Variants in SWT1 observed in about 807,000 individuals in gnomAD.
SWT1 encodes the protein SWT1 RNA endoribonuclease homolog.
SWT1 carries 33 observed loss-of-function variants against 107.3 expected under a neutral mutation model. The ratio of observed to expected loss-of-function variants is 0.31; its 90% CI spans 0.23 to 0.41. The LOEUF (loss-of-function observed/expected upper bound fraction) is 0.41. Ranked by LOEUF, SWT1 falls within the 10% of genes least tolerant of loss-of-function variation. The pLI, the probability that SWT1 is intolerant of heterozygous loss-of-function variation, is 1.00. For missense variants in SWT1, 898 were observed against 1,028.9 expected, an observed-to-expected ratio of 0.87 and a Z score of 1.74; for synonymous variants, 345 against 348.3, an observed-to-expected ratio of 0.99 and a Z score of 0.11.
At position 185,241,656 on chromosome 1, in the gene SWT1, C is replaced by G. The variant is rs562581727; in HGVS notation, c.2441+9948C>G. 6.6e-5 allele frequency among the ~76,000 whole-genome samples: 10 copies of G among 152,108 alleles called. No individual in the cohort carries two copies. In the East Asian group the frequency reaches 9.7e-4, roughly 15 times the overall value. ...CTGTCTTACTTTTCTGTATCTGGAG[C>G]CTTGCACAGGTAATGACACATAGTA... is the stretch of plus-strand genomic sequence containing the variant. On this transcript the variant is annotated intron_variant, in intron 16 of 18. Transcript: ENST00000367500.
intron 2 of SWT1, among the ~76,000 whole-genome samples, chr1:185,164,754 A>G (rs1654436363): frequency 6.6e-6 from 1 of 152,194 alleles, no homozygotes; most frequent in Non-Finnish European, 1.5e-5. Flanking sequence ...GCTAAAGGGA[A>G]TGTTGTGGCT....
chr1:185,250,548 C>T (rs12135172), intron 16 of SWT1, among the ~76,000 whole-genome samples: 60,313 of 152,054 alleles, frequency 0.4, 12,498 homozygotes, highest in African/African-American at 0.51. Context: ...CACTTTCCCT[C>T]TGTGAGCTCA....
chr1:185,272,322 TA>T (rs1282229954), intron 17 of SWT1, among the ~76,000 whole-genome samples: 1 of 152,248 alleles, frequency 6.6e-6, no homozygotes, highest in Admixed American at 6.5e-5. Context: ...GCTCTTTGTT[TA>T]TGTTTCCTGT....
At chr1:185,228,967 T>C (rs1369520040) in intron 15 of SWT1, among the ~76,000 whole-genome samples, 2 of 151,978 alleles carry the variant, frequency 1.3e-5, no homozygotes, top group Admixed American at 6.6e-5. Context: ...TAGGAGGAGA[T>C]GAAGTAGGGA....
At chr1:185,181,845 A>C in intron 6 of SWT1, 101 bp from the exon 7 acceptor site, 3 of 1,321,312 alleles carry the variant, frequency 2.3e-6, no homozygotes, top group Non-Finnish European at 3.1e-6. Flanking sequence ...TTTTCTTTCC[A>C]TAAACCATCT....
chr1:185,233,521 A>G lies in SWT1; in HGVS notation c.2441+1813A>G, dbSNP rs138430715. ...TTGTGTCTTTGTTCTCATTGGTTTC[A>G]AAAAGAATATCTTTATTTCTGCCTT... is the stretch of plus-strand genomic sequence containing the variant. On this transcript the variant is annotated intron_variant, in intron 16 of 18. Transcript: ENST00000367500. 7.9e-5 allele frequency among the ~76,000 whole-genome samples: 12 copies of G among 152,258 alleles called. No homozygotes were observed. In the East Asian group the frequency reaches 2.3e-3, roughly 29 times the overall value.
At chr1:185,176,286 C>CAA (rs71101962) in intron 5 of SWT1, among the ~76,000 whole-genome samples, 28 of 47,294 alleles carry the variant, frequency 5.9e-4, no homozygotes, top group South Asian at 1.3e-3. Context: ...ACCTTGTCTC[C>CAA]AAAAAAAAAA....
intron 16 of SWT1, among the ~76,000 whole-genome samples, chr1:185,234,778 G>T (rs1285349729): frequency 6.6e-6 from 1 of 151,962 alleles, no homozygotes; most frequent in Admixed American, 6.6e-5. Context: ...CATGTTTAGT[G>T]CTTCCTTCAG....
intron 14 of SWT1, among the ~76,000 whole-genome samples, chr1:185,220,877 T>C (rs1659602011): frequency 1.3e-5 from 2 of 152,344 alleles, no homozygotes; most frequent in African/African-American, 4.8e-5. Flanking sequence ...ATCTTTAAAA[T>C]TGCAGTGATT....
intron 4 of SWT1, among the ~76,000 whole-genome samples, chr1:185,169,117 A>G (rs556859317): frequency 2.0e-5 from 3 of 151,846 alleles, no homozygotes; most frequent in Non-Finnish European, 4.4e-5. Flanking sequence ...AAAAAATTCA[A>G]CTCGCCTCTG....
intron 18 of SWT1, among the ~76,000 whole-genome samples, chr1:185,283,008 G>A (rs1664731935): frequency 6.6e-6 from 1 of 152,026 alleles, no homozygotes; most frequent in Non-Finnish European, 1.5e-5. Flanking sequence ...TATTATGAAG[G>A]ATAAATTAAA....
intron 5 of SWT1, 146 bp from the exon 6 acceptor site, chr1:185,180,245 G>A (rs1322022708): frequency 7.8e-6 from 5 of 642,766 alleles, no homozygotes; most frequent in Non-Finnish European, 1.4e-5. Flanking sequence ...GGAGGATAGA[G>A]GTCAGTGATG....
At chr1:185,256,027 C>G (rs1225363553) in intron 16 of SWT1, among the ~76,000 whole-genome samples, 2 of 151,548 alleles carry the variant, frequency 1.3e-5, no homozygotes, top group Non-Finnish European at 2.9e-5. Context: ...TTTTATTTCT[C>G]CTTCGCTTAT....
intron 16 of SWT1, among the ~76,000 whole-genome samples, chr1:185,243,199 C>T (rs1239209082): frequency 6.6e-6 from 1 of 152,092 alleles, no homozygotes; most frequent in Admixed American, 6.6e-5. Flanking sequence ...ACTTCCACCT[C>T]CTGGGCTCAG....
rs145195913 is a variant in SWT1 at position 185,184,834 on chromosome 1, C to T, written c.1332C>T (p.His444=). The change falls in exon 9 of 19, where the codon CAC becomes CAT. Residue 444 remains histidine, a synonymous_variant. Coordinates refer to ENST00000367500, the MANE Select transcript of SWT1 (RefSeq NM_017673.7). ...GAAAACTACTAAAACGTGCCCAGCACAAAGCTATACCTGCAGTTCATTTCA... is the reference window on the plus strand; with the variant it reads ...GAAAACTACTAAAACGTGCCCAGCATAAAGCTATACCTGCAGTTCATTTCA... ...KEGKLLKRAQ[H]KAIPAVHFIN... 2 of 1,593,458 alleles carry T rather than the reference C, an allele frequency of 1.3e-6. No homozygotes were observed. The highest frequency in any genetic ancestry group is 2.3e-5 in the South Asian group (2 of 87,840).
chr1:185,286,440 G>A (rs1664952033), intron 18 of SWT1, among the ~76,000 whole-genome samples: 1 of 152,072 alleles, frequency 6.6e-6, no homozygotes, highest in African/African-American at 2.4e-5. Context: ...TGGCCAGGCT[G>A]GTCTCGAACT....
chr1:185,284,613 G>A (rs999925854), intron 18 of SWT1, among the ~76,000 whole-genome samples: 11 of 152,152 alleles, frequency 7.2e-5, no homozygotes, highest in Non-Finnish European at 1.3e-4. Flanking sequence ...ACAAGGAGTG[G>A]GCTAATACAA....
chr1:185,246,038 G>C (rs1447249352), intron 16 of SWT1, among the ~76,000 whole-genome samples: 1 of 152,106 alleles, frequency 6.6e-6, no homozygotes, highest in Non-Finnish European at 1.5e-5. Context: ...AAAGTGCTGA[G>C]ATTACAGGTG....
intron 10 of SWT1, among the ~76,000 whole-genome samples, chr1:185,199,504 A>T (rs892409870): frequency 6.6e-6 from 1 of 152,128 alleles, no homozygotes; most frequent in Admixed American, 6.5e-5. Flanking sequence ...TCCTTCCCTT[A>T]TGAAGCTTAG....
Sources: gnomAD v4.1 joint callset for allele counts (sites outside exome capture counted in the v4.1 genomes callset) on GRCh38, gnomAD v4.1.1 for gene constraint, MANE v1.5 for transcripts, NCBI Gene and HGNC (gene_info 2026-07-23, HGNC 2026-07-21) for gene names.